The following PCDH11Y variants were observed in gnomAD, a reference collection of about 807,000 sequenced individuals.
The protein encoded by PCDH11Y is protocadherin 11 Y-linked, also known as protocadherin-11 Y-linked.
For missense variants in PCDH11Y, 12 were observed against 224.8 expected (o/e 0.05, Z 6.05); for synonymous variants, 9 against 83.6 (o/e 0.11, Z 4.87).
chrY:5,375,329 A>G, intron 2 of PCDH11Y, among the ~76,000 whole-genome samples: 1 of 31,694 alleles, frequency 3.2e-5, no homozygotes, highest in Admixed American at 2.9e-4. Flanking sequence ...GCAGATGTCA[A>G]GCATCTCATG....
intron 4 of PCDH11Y, among the ~76,000 whole-genome samples, chrY:5,717,344 G>A: frequency 3.1e-5 from 1 of 32,227 alleles, no homozygotes; most frequent in Admixed American, 2.8e-4. Flanking sequence ...TTACCCCCCA[G>A]ACAAGGTCTT....
chrY:5,120,552 T>C (rs2052816647), intron 2 of PCDH11Y, among the ~76,000 whole-genome samples: 1 of 33,052 alleles, frequency 3.0e-5, no homozygotes, highest in Non-Finnish European at 7.4e-5. Flanking sequence ...ATATTGAGTA[T>C]AGCTCTGGGC....
downstream of PCDH11Y, among the ~76,000 whole-genome samples, chrY:5,107,614 A>T: frequency 3.0e-5 from 1 of 33,094 alleles, no homozygotes; most frequent in Non-Finnish European, 7.4e-5. Context: ...TGATATTATT[A>T]TTACGTTTGC....
intron 2 of PCDH11Y, among the ~76,000 whole-genome samples, chrY:5,336,347 T>G (rs2053136995): frequency 3.2e-5 from 1 of 31,603 alleles, no homozygotes; most frequent in African/African-American, 1.2e-4. Flanking sequence ...CTCGGCTCAC[T>G]GCAACCTCTG....
At chrY:5,427,406 AT>A (rs2053264552) in intron 2 of PCDH11Y, among the ~76,000 whole-genome samples, 1 of 30,744 alleles carries the variant, frequency 3.3e-5, no homozygotes, top group Non-Finnish European at 8.0e-5. Flanking sequence ...AAATGTGTAC[AT>A]TTTTTTTTTC....
chrY:5,064,666 TTGTG>T (rs370211583), intron 1 of PCDH11Y, among the ~76,000 whole-genome samples: 20 of 18,885 alleles, frequency 1.1e-3, no homozygotes, highest in South Asian at 5.4e-3. Flanking sequence ...ACATACATAC[TTGTG>T]TGTGTGTGTG....
intron 1 of PCDH11Y, among the ~76,000 whole-genome samples, chrY:5,023,772 T>C (rs2052574343): frequency 4.5e-4 from 15 of 33,519 alleles, no homozygotes; most frequent in Non-Finnish European, 1.5e-4. Flanking sequence ...TTTAGATCAA[T>C]TAATTCTGTT....
At chrY:5,499,917 G>A in intron 2 of PCDH11Y, among the ~76,000 whole-genome samples, 1 of 32,727 alleles carries the variant, frequency 3.1e-5, no homozygotes, top group Non-Finnish European at 7.4e-5. Flanking sequence ...GTGCTCAAAT[G>A]TCTGAAGATA....
intron 2 of PCDH11Y, among the ~76,000 whole-genome samples, chrY:5,366,523 A>T (rs2124672543): frequency 3.0e-5 from 1 of 33,004 alleles, no homozygotes; most frequent in African/African-American, 1.2e-4. Flanking sequence ...ATATTGTTTC[A>T]TATATGTTAT....
At chrY:5,086,449 G>A in intron 1 of PCDH11Y, among the ~76,000 whole-genome samples, 1 of 31,800 alleles carries the variant, frequency 3.1e-5, no homozygotes, top group African/African-American at 1.2e-4. Flanking sequence ...GTGCGATCAC[G>A]TTTTCCTGGA....
chrY:5,008,974 C>T lies in PCDH11Y; in HGVS notation c.-134+8369C>T, dbSNP rs372633646. Among the ~76,000 whole-genome samples, 8 of 33,004 alleles carry T rather than the reference C, an allele frequency of 2.4e-4. No individual in the cohort carries two copies. In the East Asian group the frequency reaches 6.4e-3, roughly 26 times the overall value. The allele number at this position is 33,004 out of a possible 37,273, so 88.5% of individuals were successfully genotyped here. On this transcript the variant is annotated intron_variant, in intron 1 of 5. Transcript: ENST00000333703. ...TATAGACTCTGAAAGTGGAAGGGACCGGAAAGATAATTTAGTCCAAACCCC... is the reference window on the plus strand; with the variant it reads ...TATAGACTCTGAAAGTGGAAGGGACTGGAAAGATAATTTAGTCCAAACCCC...
intron 1 of PCDH11Y, among the ~76,000 whole-genome samples, chrY:5,076,032 T>A (rs2052708164): frequency 2.9e-5 from 1 of 33,997 alleles, no homozygotes; most frequent in South Asian, 6.4e-4. Flanking sequence ...CCACAAACAC[T>A]GTACAAGGAT....
At chrY:5,227,610 A>G (rs2052962346) in intron 2 of PCDH11Y, among the ~76,000 whole-genome samples, 1 of 32,878 alleles carries the variant, frequency 3.0e-5, no homozygotes. Flanking sequence ...TGTCCCGTCT[A>G]TTCCCAGGTT....
chrY:5,721,262 G>T (rs1602964095), intron 4 of PCDH11Y, among the ~76,000 whole-genome samples: 1 of 33,004 alleles, frequency 3.0e-5, no homozygotes, highest in Non-Finnish European at 7.5e-5. Flanking sequence ...TATGGGGGAA[G>T]TTCAAGCTAA....
chrY:5,633,846 C>G (rs2124704016), intron 4 of PCDH11Y, among the ~76,000 whole-genome samples: 2 of 29,467 alleles, frequency 6.8e-5, no homozygotes, highest in South Asian at 1.6e-3. Context: ...TGCAGTGAGC[C>G]AAGATCTCCC....
chrY:5,697,741 A>C, intron 4 of PCDH11Y, among the ~76,000 whole-genome samples: 1 of 32,943 alleles, frequency 3.0e-5, no homozygotes, highest in Non-Finnish European at 7.5e-5. Context: ...TCTTGAATAC[A>C]CCACTCTGGT....
chrY:5,635,961 G>A, intron 4 of PCDH11Y, among the ~76,000 whole-genome samples: 1 of 33,801 alleles, frequency 3.0e-5, no homozygotes, highest in African/African-American at 1.2e-4. Context: ...AATGTCAAAC[G>A]ACGAGAACAA....
intron 3 of PCDH11Y, among the ~76,000 whole-genome samples, chrY:5,527,884 T>TA (rs2053389283): frequency 3.1e-5 from 1 of 32,004 alleles, no homozygotes; most frequent in South Asian, 7.0e-4. Flanking sequence ...AATCACTATT[T>TA]AAAAAAAAAA....
chrY:5,442,288 A>G, intron 2 of PCDH11Y, among the ~76,000 whole-genome samples: 3 of 32,695 alleles, frequency 9.2e-5, no homozygotes, highest in Non-Finnish European at 1.5e-4. Context: ...AACAATAGTT[A>G]CTCTTGCCTT....
Sources: gnomAD v4.1 joint callset for allele counts (sites outside exome capture counted in the v4.1 genomes callset) on GRCh38, gnomAD v4.1.1 for gene constraint, MANE v1.5 for transcripts, NCBI Gene and HGNC (gene_info 2026-07-23, HGNC 2026-07-21) for gene names.